The following DCDC1 variants were observed in gnomAD, a reference collection of about 807,000 sequenced individuals.
DCDC1 encodes doublecortin domain containing 1.
In DCDC1, 200 loss-of-function variants were observed where a neutral mutation model predicts 178.3. The ratio of observed to expected loss-of-function variants is 1.12; its 90% CI spans 1.00 to 1.26. DCDC1 has a LOEUF of 1.26. DCDC1 is among the 50% of genes most tolerant of loss of function. The pLI is 0.00. For missense variants in DCDC1, 1,983 were observed against 1,749.2 expected, an observed-to-expected ratio of 1.13 and a Z score of -2.38; for synonymous variants, 690 against 604.8, an observed-to-expected ratio of 1.14 and a Z score of -2.07.
intron 9 of DCDC1, among the ~76,000 whole-genome samples, chr11:31,174,556 C>G (rs757868017): frequency 3.9e-5 from 6 of 152,182 alleles, no homozygotes; most frequent in Admixed American, 6.5e-5. Context: ...TCGTGAAGCC[C>G]CACCTTCAGA....
intron 1 of DCDC1, among the ~76,000 whole-genome samples, chr11:31,361,915 A>G (rs1951729182): frequency 6.6e-6 from 1 of 152,190 alleles, no homozygotes; most frequent in African/African-American, 2.4e-5. Flanking sequence ...AGCTACATCT[A>G]CCTGAGGCAA....
At chr11:31,298,630 T>C (rs1295176553) in intron 6 of DCDC1, among the ~76,000 whole-genome samples, 1 of 152,262 alleles carries the variant, frequency 6.6e-6, no homozygotes, top group Non-Finnish European at 1.5e-5. Flanking sequence ...TTTCATGATT[T>C]ATTTTTAACC....
At chr11:30,957,373 C>T (rs1236858287) in intron 20 of DCDC1, among the ~76,000 whole-genome samples, 1 of 152,124 alleles carries the variant, frequency 6.6e-6, no homozygotes, top group Non-Finnish European at 1.5e-5. Context: ...CTAAACCATT[C>T]CTATTAGATT....
At chr11:31,348,219 T>G (rs947532479) in intron 1 of DCDC1, among the ~76,000 whole-genome samples, 2 of 152,218 alleles carry the variant, frequency 1.3e-5, no homozygotes, top group African/African-American at 4.8e-5. Context: ...ATCATCTCAT[T>G]TGTTTTCTTC....
intron 8 of DCDC1, among the ~76,000 whole-genome samples, chr11:31,250,615 T>A (rs1943956875): frequency 6.6e-6 from 1 of 151,350 alleles, no homozygotes; most frequent in Admixed American, 6.6e-5. Flanking sequence ...GAATTCCACA[T>A]TTGGCAGAAC....
intron 1 of DCDC1, among the ~76,000 whole-genome samples, chr11:31,338,691 G>A (rs1340480569): frequency 6.6e-6 from 1 of 152,124 alleles, no homozygotes; most frequent in African/African-American, 2.4e-5. Context: ...AAGGGGGTAT[G>A]GGGCATAATT....
chr11:31,226,232 T>C (rs963958632), intron 9 of DCDC1, among the ~76,000 whole-genome samples: 1 of 151,850 alleles, frequency 6.6e-6, no homozygotes, highest in Non-Finnish European at 1.5e-5. Context: ...TTCAGCCTGG[T>C]GGCTATCACA....
At position 30,919,801 on chromosome 11, in the gene DCDC1, G is replaced by A. The variant is rs530493579; in HGVS notation, c.3293+975C>T. ...AAATTAGTTTCACAATTATTGCAGA[G>A]GTAATTGGCCAGGTATTTTTGGTTT... On this transcript the variant is annotated intron_variant, in intron 25 of 38. Coordinates refer to ENST00000684477, the MANE Select transcript of DCDC1 (RefSeq NM_001387274.1). 1.2e-3 allele frequency among the ~76,000 whole-genome samples: 176 copies of A among 152,324 alleles called. 1 individual carries two copies. The highest frequency in any genetic ancestry group is 4.0e-3 in the African/African-American group (165 of 41,578).
At chr11:31,102,367 C>A (rs1161596112) in intron 14 of DCDC1, 85 bp from the exon 15 acceptor site, 3 of 534,212 alleles carry the variant, frequency 5.6e-6, no homozygotes, top group South Asian at 2.8e-5. Context: ...TTATAATACT[C>A]TTTATGCTTT....
intron 20 of DCDC1, among the ~76,000 whole-genome samples, chr11:31,006,886 T>C (rs1951876977): frequency 6.6e-6 from 1 of 152,226 alleles, no homozygotes; most frequent in Non-Finnish European, 1.5e-5. Flanking sequence ...AAATATAAAA[T>C]TCTCCCAGTC....
At chr11:31,192,463 C>T (rs1047622389) in intron 9 of DCDC1, among the ~76,000 whole-genome samples, 1 of 152,102 alleles carries the variant, frequency 6.6e-6, no homozygotes, top group African/African-American at 2.4e-5. Flanking sequence ...CACCACTGCT[C>T]TACCAGTAAG....
At chr11:30,986,183 A>G (rs1288491542) in intron 20 of DCDC1, among the ~76,000 whole-genome samples, 1 of 151,918 alleles carries the variant, frequency 6.6e-6, no homozygotes, top group Non-Finnish European at 1.5e-5. Context: ...GTCACAAATA[A>G]TTGCTGCAGC....
chr11:30,885,739 T>C (rs1943109082), intron 36 of DCDC1, among the ~76,000 whole-genome samples: 1 of 152,170 alleles, frequency 6.6e-6, no homozygotes, highest in African/African-American at 2.4e-5. Context: ...AATATCTACC[T>C]ATGGGAGCAT....
intron 21 of DCDC1, among the ~76,000 whole-genome samples, chr11:30,938,066 T>C (rs1437058615): frequency 6.6e-6 from 1 of 152,018 alleles, no homozygotes; most frequent in African/African-American, 2.4e-5. Flanking sequence ...CTCCAGAACC[T>C]TCCCCGAGCC....
At chr11:31,365,336 T>C (rs1428243052) in intron 1 of DCDC1, among the ~76,000 whole-genome samples, 3 of 152,164 alleles carry the variant, frequency 2.0e-5, no homozygotes, top group Non-Finnish European at 4.4e-5. Context: ...TCATTCAATT[T>C]TGGAACATAA....
chr11:31,355,429 AC>A (rs1437315021), intron 1 of DCDC1, among the ~76,000 whole-genome samples: 8 of 152,246 alleles, frequency 5.3e-5, no homozygotes, highest in African/African-American at 1.4e-4. Context: ...GAACCAGGAG[AC>A]TTGTTGTTCC....
At chr11:31,357,421 A>G (rs372722558) in intron 1 of DCDC1, among the ~76,000 whole-genome samples, 23 of 148,972 alleles carry the variant, frequency 1.5e-4, no homozygotes, top group South Asian at 2.1e-4. Flanking sequence ...TAAATTAGGT[A>G]TTGATGGGAC....
rs540604517 is a variant in DCDC1, at chr11:30,973,194, C to T, written c.2592-20626G>A. Among the ~76,000 whole-genome samples the T allele has an allele frequency of 4.7e-5, 7 of 149,210 alleles. No homozygotes were observed. In the South Asian group the frequency reaches 1.5e-3, roughly 32 times the overall value. Reference sequence around the variant, plus strand: ...AGCTGAGGCAGGAGAATCACTTGAACCGGGGAGGTGGCAGTTAAAGAGTGA... The same window carrying T: ...AGCTGAGGCAGGAGAATCACTTGAATCGGGGAGGTGGCAGTTAAAGAGTGA... On this transcript the variant is annotated intron_variant, in intron 20 of 38. Coordinates refer to ENST00000684477, the MANE Select transcript of DCDC1 (RefSeq NM_001387274.1).
chr11:31,285,688 A>G (rs935101678), intron 7 of DCDC1, among the ~76,000 whole-genome samples: 1 of 152,156 alleles, frequency 6.6e-6, no homozygotes, highest in Non-Finnish European at 1.5e-5. Context: ...CATGGCTTAA[A>G]GGCATCTGAT....
Sources: gnomAD v4.1 joint callset for allele counts (sites outside exome capture counted in the v4.1 genomes callset) on GRCh38, gnomAD v4.1.1 for gene constraint, MANE v1.5 for transcripts, NCBI Gene and HGNC (gene_info 2026-07-23, HGNC 2026-07-21) for gene names.